Variants in PTDSS1 observed in about 807,000 individuals in gnomAD.
PTDSS1 encodes the protein PSS-1.
Under a neutral mutation model 70.5 loss-of-function variants are expected in PTDSS1, and 45 were observed. The observed-to-expected ratio is 0.64, with a 90% CI of 0.50 to 0.82. The LOEUF (loss-of-function observed/expected upper bound fraction) is 0.82, where lower values mean the gene tolerates loss of function less well. PTDSS1 is among the 40% of genes least tolerant of loss of function. PTDSS1 has a pLI of 0.00. For synonymous variants in PTDSS1, 188 were observed against 203.8 expected (o/e 0.92, Z 0.66); for missense variants, 417 against 586.1 (o/e 0.71, Z 2.98).
At chr8:96,292,224 C>T (rs1365280670) in intron 4 of PTDSS1, among the ~76,000 whole-genome samples, 1 of 141,288 alleles carries the variant, frequency 7.1e-6, no homozygotes. Context: ...CATTTGAACC[C>T]GGGAGGCGGA....
At chr8:96,318,386 CAG>C (rs1487418350) in intron 9 of PTDSS1, among the ~76,000 whole-genome samples, 4 of 152,020 alleles carry the variant, frequency 2.6e-5, no homozygotes, top group Non-Finnish European at 5.9e-5. Context: ...ATAATAAACT[CAG>C]GGTGTTCTGT....
chr8:96,288,836 C>T (rs371586717), intron 4 of PTDSS1, among the ~76,000 whole-genome samples: 27 of 151,884 alleles, frequency 1.8e-4, no homozygotes, highest in African/African-American at 6.5e-4. Context: ...AACGTGTTGG[C>T]CAGGCTGGTC....
chr8:96,333,727 C>T lies in PTDSS1; in HGVS notation c.*161C>T, dbSNP rs1363989603. On this transcript the variant is annotated 3_prime_UTR_variant, in exon 13 of 13. Coordinates refer to ENST00000517309, the MANE Select transcript of PTDSS1 (RefSeq NM_014754.3). ...TTGAGATCGTAAGTCTTGTTTCCCA[C>T]AGACCTGGCCGCGTCAGGCAGATCA... The T allele has an allele frequency of 2.6e-6, 2 of 764,402 alleles. No homozygotes were observed. The highest frequency in any genetic ancestry group is 1.5e-5 in the South Asian group (1 of 68,502). 47.4% of individuals were successfully genotyped at this position (764,402 alleles called of 1,614,324 possible).
chr8:96,283,333 C>CA (rs1386847722), intron 2 of PTDSS1, among the ~76,000 whole-genome samples: 4 of 152,202 alleles, frequency 2.6e-5, no homozygotes, highest in Non-Finnish European at 5.9e-5. Context: ...AACAGGTACT[C>CA]ACCAGAATGG....
chr8:96,314,438 G>GT (rs981587540), intron 9 of PTDSS1, among the ~76,000 whole-genome samples: 1 of 151,606 alleles, frequency 6.6e-6, no homozygotes, highest in Non-Finnish European at 1.5e-5. Flanking sequence ...TGTTGGGAGG[G>GT]GGGTCCCTTC....
chr8:96,276,980 G>GCACACACACA lies in PTDSS1; in HGVS notation c.271+3614_271+3623dup, dbSNP rs57116529. On this transcript the variant is annotated intron_variant, in intron 2 of 12. Transcript: ENST00000517309. ...GGCACATACACGCGCGCACGCGCGC[G>GCACACACACA]CACACACACACACACACACACACAC... 1.6e-3 allele frequency among the ~76,000 whole-genome samples: 234 copies of GCACACACACA among 145,998 alleles called. 4 individuals are homozygous for GCACACACACA. Among genetic ancestry groups the GCACACACACA allele is most frequent in the African/African-American group, 5.5e-3 (207 of 37,964 alleles).
intron 6 of PTDSS1, 118 bp from the exon 7 acceptor site, chr8:96,303,922 G>T: frequency 3.5e-6 from 4 of 1,128,546 alleles, no homozygotes; most frequent in Non-Finnish European, 5.0e-6. Flanking sequence ...ATAAAAAGCA[G>T]TCTCTTTGTC....
At chr8:96,264,321 C>G (rs1810457129) in intron 1 of PTDSS1, among the ~76,000 whole-genome samples, 1 of 152,312 alleles carries the variant, frequency 6.6e-6, no homozygotes, top group Admixed American at 6.5e-5. Context: ...ATCTGTTTAG[C>G]TCAGTGCATG....
intron 2 of PTDSS1, among the ~76,000 whole-genome samples, chr8:96,279,694 C>G (rs1378033770): frequency 1.3e-5 from 2 of 152,044 alleles, no homozygotes; most frequent in Admixed American, 1.3e-4. Flanking sequence ...TGGCACATGC[C>G]TGTAATCCCA....
intron 12 of PTDSS1, among the ~76,000 whole-genome samples, chr8:96,332,160 C>T (rs186521190): frequency 5.5e-4 from 84 of 152,020 alleles, no homozygotes; most frequent in African/African-American, 1.9e-3. Flanking sequence ...AGGGAACCTC[C>T]ACTGGCCTCT....
At chr8:96,308,453 A>C (rs1428310309) in intron 8 of PTDSS1, among the ~76,000 whole-genome samples, 1 of 152,190 alleles carries the variant, frequency 6.6e-6, no homozygotes, top group African/African-American at 2.4e-5. Flanking sequence ...CCTTTCTTTC[A>C]TCAAATCCTC....
chr8:96,308,499 T>G (rs1811160686), intron 8 of PTDSS1, among the ~76,000 whole-genome samples: 1 of 152,148 alleles, frequency 6.6e-6, no homozygotes, highest in African/African-American at 2.4e-5. Context: ...GATGAGTTCC[T>G]GGTTCAGGTG....
chr8:96,297,769 C>T lies in PTDSS1; in HGVS notation c.601-1925C>T, dbSNP rs1355110165. Reference sequence around the variant, plus strand: ...TGGAAATAGAACACCTCGCCACTCTCCTTTGAAATGCTCCTCACGTGTTAG... The same window carrying T: ...TGGAAATAGAACACCTCGCCACTCTTCTTTGAAATGCTCCTCACGTGTTAG... On this transcript the variant is annotated intron_variant, in intron 5 of 12. Transcript: ENST00000517309. 3.9e-5 allele frequency among the ~76,000 whole-genome samples: 6 copies of T among 152,238 alleles called. No homozygotes were observed. The East Asian group carries it at 9.6e-4, about 24-fold the overall frequency.
At chr8:96,323,262 A>AC (rs917170110) in intron 10 of PTDSS1, among the ~76,000 whole-genome samples, 1 of 152,074 alleles carries the variant, frequency 6.6e-6, no homozygotes, top group Admixed American at 6.5e-5. Flanking sequence ...GTTGGGGATG[A>AC]CCCTGCTGCC....
In PTDSS1 at chr8:96,334,824, G is replaced by A. The variant is rs1474011705; in HGVS notation, c.*1258G>A. Reference sequence around the variant, plus strand: ...TGGACTTTTTTTTCCTCTAACAAGAGGCCAGTACCCAGTTGATTAGCTTAC... The same window carrying A: ...TGGACTTTTTTTTCCTCTAACAAGAAGCCAGTACCCAGTTGATTAGCTTAC... On this transcript the variant is annotated 3_prime_UTR_variant, in exon 13 of 13. Transcript: ENST00000517309. 5 of 152,110 alleles carry A rather than the reference G, an allele frequency of 3.3e-5. No homozygotes were observed. The highest frequency in any genetic ancestry group is 6.6e-5 in the Admixed American group (1 of 15,252). The allele number at this position is 152,110 out of a possible 1,614,324, so 9.4% of individuals were successfully genotyped here. A position where few individuals can be genotyped will look rare whatever the true frequency, so the allele number is the denominator to read the frequency against.
At chr8:96,327,864 T>G (rs562024187) in intron 10 of PTDSS1, among the ~76,000 whole-genome samples, 2 of 152,300 alleles carry the variant, frequency 1.3e-5, no homozygotes, top group Non-Finnish European at 2.9e-5. Context: ...AAACGAAGTG[T>G]GCAATTGCTA....
chr8:96,329,328 G>A (rs1392996188), intron 10 of PTDSS1, among the ~76,000 whole-genome samples: 2 of 137,246 alleles, frequency 1.5e-5, no homozygotes, highest in African/African-American at 5.0e-5. Flanking sequence ...TGCTTTGCTT[G>A]CAGTGGGGAA....
chr8:96,318,292 C>T (rs748869378), intron 9 of PTDSS1, among the ~76,000 whole-genome samples: 48 of 151,276 alleles, frequency 3.2e-4, no homozygotes, highest in Non-Finnish European at 6.5e-4. Flanking sequence ...CCACTGCACT[C>T]CAGCCTGGGT....
rs1811576591 is a variant in PTDSS1, at chr8:96,335,103, T to G, written c.*1537T>G. 1 of 152,148 alleles carries G rather than the reference T, an allele frequency of 6.6e-6. No homozygotes were observed. Among genetic ancestry groups the G allele is most frequent in the African/African-American group, 2.4e-5 (1 of 41,436 alleles). 9.4% of individuals were successfully genotyped at this position (152,148 alleles called of 1,614,324 possible). A position where few individuals can be genotyped will look rare whatever the true frequency, so the allele number is the denominator to read the frequency against. On this transcript the variant is annotated 3_prime_UTR_variant, in exon 13 of 13. Coordinates refer to ENST00000517309, the MANE Select transcript of PTDSS1 (RefSeq NM_014754.3). ...AAGCGTCAGTGGCAGCTCCGCTCACTTGGTGAGTGAGGGATTTGGCTGTGA... is the reference window on the plus strand; with the variant it reads ...AAGCGTCAGTGGCAGCTCCGCTCACGTGGTGAGTGAGGGATTTGGCTGTGA...
Sources: allele counts gnomAD v4.1 joint callset (sites outside exome capture counted in the v4.1 genomes callset), GRCh38; gene constraint gnomAD v4.1.1; transcripts MANE v1.5; gene names NCBI Gene and HGNC (gene_info 2026-07-23, HGNC 2026-07-21).